Variants in HNF4G observed in about 807,000 individuals in gnomAD.
HNF4G encodes the protein hepatocyte nuclear factor 4-gamma.
A neutral mutation model predicts 50.9 loss-of-function variants in HNF4G; 21 were observed. The ratio of observed to expected loss-of-function variants is 0.41; its 90% CI spans 0.29 to 0.59. The LOEUF is 0.59. HNF4G is among the 20% of genes least tolerant of loss of function. HNF4G has a pLI of 0.26. For synonymous variants in HNF4G, 198 were observed against 185.6 expected (o/e 1.07, Z -0.54); for missense variants, 527 against 559.4 (o/e 0.94, Z 0.58).
intron 1 of HNF4G, among the ~76,000 whole-genome samples, chr8:75,422,318 T>TAA (rs1398396499): frequency 1.3e-5 from 2 of 152,324 alleles, no homozygotes; most frequent in South Asian, 2.1e-4. Flanking sequence ...CACTAAGTTC[T>TAA]AAGTGTTAAA....
At chr8:75,496,219 C>A (rs557405617) in intron 2 of HNF4G, among the ~76,000 whole-genome samples, 1 of 151,938 alleles carries the variant, frequency 6.6e-6, no homozygotes, top group East Asian at 1.9e-4. Context: ...CAAAATTTAC[C>A]GTAAAATGTA....
intron 1 of HNF4G, among the ~76,000 whole-genome samples, chr8:75,410,946 T>G (rs145056366): frequency 6.6e-6 from 1 of 152,344 alleles, no homozygotes; most frequent in African/African-American, 2.4e-5. Flanking sequence ...ATAGATCAGG[T>G]AATTCTTATT....
chr8:75,514,956 T>A lies in HNF4G; in HGVS notation c.-24+24748T>A, dbSNP rs181613009. Among the ~76,000 whole-genome samples the A allele has an allele frequency of 3.7e-3, 568 of 152,238 alleles. 3 individuals are homozygous for A. Among genetic ancestry groups the A allele is most frequent in the Non-Finnish European group, 5.0e-3 (338 of 68,018 alleles). On this transcript the variant is annotated intron_variant, in intron 2 of 10. Coordinates refer to the HNF4G transcript ENST00000354370. ...TGTAACTTGCTTATTTGATTCAAAT[T>A]TAAAATTAATAAATATACTTGTTAT...
chr8:75,436,618 A>G (rs1811147830), intron 1 of HNF4G, among the ~76,000 whole-genome samples: 2 of 152,202 alleles, frequency 1.3e-5, no homozygotes, highest in African/African-American at 2.4e-5. Flanking sequence ...TTTAAATTCA[A>G]TTCCAATTGG....
At chr8:75,424,544 TCCCA>T (rs1431663219) in intron 1 of HNF4G, among the ~76,000 whole-genome samples, 1 of 152,144 alleles carries the variant, frequency 6.6e-6, no homozygotes, top group East Asian at 1.9e-4. Context: ...TTTCTCTCCC[TCCCA>T]CCTTTTGGAG....
At chr8:75,513,140 C>A (rs564596613) in intron 2 of HNF4G, among the ~76,000 whole-genome samples, 1 of 152,000 alleles carries the variant, frequency 6.6e-6, no homozygotes, top group East Asian at 1.9e-4. Context: ...TGGCTTCAAG[C>A]GATTCTCCTG....
chr8:75,487,967 C>A (rs984951399), intron 1 of HNF4G, among the ~76,000 whole-genome samples: 8 of 152,246 alleles, frequency 5.3e-5, no homozygotes, highest in Middle Eastern at 3.4e-3. Flanking sequence ...CTTATAAAAC[C>A]ATCAGATCTC....
chr8:75,499,126 A>G (rs1347659249), intron 2 of HNF4G, among the ~76,000 whole-genome samples: 1 of 152,136 alleles, frequency 6.6e-6, no homozygotes, highest in African/African-American at 2.4e-5. Context: ...TTATATAGAA[A>G]GCCCCAAGAA....
rs1807423772 is a variant in HNF4G at position 75,565,101 on chromosome 8, T to C, written c.*1005T>C. ...TAAGGGAAACTTTAGCTTGAGGGTT[T>C]AAGGAACATAACCAAAGTTCACAAA... On this transcript the variant is annotated 3_prime_UTR_variant, in exon 10 of 10. Coordinates refer to ENST00000396423, the MANE Select transcript of HNF4G (RefSeq NM_004133.5). The C allele has an allele frequency of 6.6e-6, 1 of 152,276 alleles. No homozygotes were observed. Among genetic ancestry groups the C allele is most frequent in the South Asian group, 2.1e-4 (1 of 4,826 alleles). 9.4% of individuals were successfully genotyped at this position (152,276 alleles called of 1,614,324 possible). A position where few individuals can be genotyped will look rare whatever the true frequency, so the allele number is the denominator to read the frequency against.
chr8:75,464,601 T>C (rs1379220903), intron 1 of HNF4G, among the ~76,000 whole-genome samples: 1 of 152,224 alleles, frequency 6.6e-6, no homozygotes, highest in East Asian at 1.9e-4. Flanking sequence ...AATTTATTTT[T>C]TGGATGAGAG....
intron 2 of HNF4G, among the ~76,000 whole-genome samples, chr8:75,525,614 T>C (rs978407840): frequency 6.6e-6 from 1 of 152,242 alleles, no homozygotes; most frequent in East Asian, 1.9e-4. Context: ...TTGTGATTTT[T>C]TATTAACCTC....
intron 1 of HNF4G, among the ~76,000 whole-genome samples, chr8:75,543,062 C>T (rs891457804): frequency 6.6e-6 from 1 of 151,948 alleles, no homozygotes; most frequent in Admixed American, 6.6e-5. Context: ...CAAAAATAAG[C>T]CTGGCATGGT....
intron 1 of HNF4G, among the ~76,000 whole-genome samples, chr8:75,475,150 C>CTGGT: frequency 6.6e-6 from 1 of 151,992 alleles, no homozygotes; most frequent in Non-Finnish European, 1.5e-5. Context: ...GCTGAGACTA[C>CTGGT]TGGTACATGC....
intron 1 of HNF4G, among the ~76,000 whole-genome samples, chr8:75,479,774 G>T: frequency 6.6e-6 from 1 of 151,806 alleles, no homozygotes; most frequent in East Asian, 1.9e-4. Flanking sequence ...GAAAAAAAAA[G>T]AACATTTCTT....
At chr8:75,468,774 T>G (rs1237350099) in intron 1 of HNF4G, among the ~76,000 whole-genome samples, 1 of 152,230 alleles carries the variant, frequency 6.6e-6, no homozygotes, top group Non-Finnish European at 1.5e-5. Context: ...CTGTGTAATT[T>G]ACTCATTAAC....
intron 1 of HNF4G, among the ~76,000 whole-genome samples, chr8:75,478,739 A>G (rs1462587087): frequency 6.6e-6 from 1 of 151,792 alleles, no homozygotes; most frequent in Non-Finnish European, 1.5e-5. Flanking sequence ...CTTTTTTGAG[A>G]TGGAGTTTAG....
rs187079423 is a variant in HNF4G, at chr8:75,496,972, G to A, written c.-24+6764G>A. Among the ~76,000 whole-genome samples the A allele has an allele frequency of 3.2e-3, 485 of 152,160 alleles. 4 individuals are homozygous for A. Among genetic ancestry groups the A allele is most frequent in the African/African-American group, 0.011 (465 of 41,520 alleles). On this transcript the variant is annotated intron_variant, in intron 2 of 10. Transcript: ENST00000354370. The stretch of plus-strand genomic sequence containing the variant: ...ATCTTAACAACAAAATGCAAATTTT[G>A]TTGCAGAAAAGATATTTCCTCAGTT...
chr8:75,508,554 GT>G (rs1391863193), intron 2 of HNF4G, among the ~76,000 whole-genome samples: 11 of 152,026 alleles, frequency 7.2e-5, no homozygotes, highest in African/African-American at 2.7e-4. Flanking sequence ...TTGAAACCTC[GT>G]TTTTTCAGCT....
intron 1 of HNF4G, among the ~76,000 whole-genome samples, chr8:75,473,630 C>T (rs1812172983): frequency 6.6e-6 from 1 of 152,124 alleles, no homozygotes; most frequent in Admixed American, 6.5e-5. Context: ...ACAGGGACTC[C>T]ACTTCACCTC....
Sources: allele counts gnomAD v4.1 joint callset (sites outside exome capture counted in the v4.1 genomes callset), GRCh38; gene constraint gnomAD v4.1.1; transcripts MANE v1.5; gene names NCBI Gene and HGNC (gene_info 2026-07-23, HGNC 2026-07-21).